Variants in TSGA13 observed in about 807,000 individuals in gnomAD.
TSGA13 encodes the protein testis-specific gene 13 protein.
Under a neutral mutation model 35.1 loss-of-function variants are expected in TSGA13, and 37 were observed. The observed-to-expected ratio is 1.05, with a 90% CI of 0.81 to 1.39. The LOEUF (loss-of-function observed/expected upper bound fraction) is 1.39. TSGA13 is among the 40% of genes most tolerant of loss of function. The pLI is 0.00. For synonymous variants in TSGA13, 124 were observed against 121.2 expected (o/e 1.02, Z -0.15); for missense variants, 338 against 328.5 (o/e 1.03, Z -0.22).
chr7:130,678,886 G>T (rs1204601137), intron 5 of TSGA13, among the ~76,000 whole-genome samples: 4 of 152,116 alleles, frequency 2.6e-5, no homozygotes, highest in Admixed American at 6.5e-5. Context: ...GTTTAGTCGG[G>T]CATGGTGATG....
chr7:130,679,507 G>T, intron 4 of TSGA13, 140 bp from the exon 5 acceptor site: 1 of 801,764 alleles, frequency 1.2e-6, no homozygotes, highest in South Asian at 2.0e-5. Flanking sequence ...AGGGTTTTTT[G>T]GTTTTGTTTT....
Position 130,680,908 on chromosome 7 carries a change from C to A in TSGA13, c.174+38G>T, listed in dbSNP as rs201675417. On this transcript the variant is annotated intron_variant, in intron 4 of 7. Transcript: ENST00000356588. ...GGCATCTGCACCACTGCTGAAACTT[C>A]CCCTTAGAGATCTTGGGGGAATGCT... 1.9e-6 allele frequency: 3 copies of A among 1,599,954 alleles called. No individual in the cohort carries two copies. The African/African-American group carries it at 4.0e-5, about 21-fold the overall frequency.
rs1796483493 is a variant in TSGA13, at chr7:130,679,266, C to T, written c.276G>A (p.Gln92=). Residue 92 remains glutamine (Q), a synonymous_variant, in exon 5 of 8, where the codon CAG becomes CAA. Transcript: ENST00000356588. ...SFMLKVTQYD[Q]DKTLLIMTNN... is the part of the protein sequence containing the mutation. ...TGGTCATAATCAGTAACGTCTTATC[C>T]TGGTCATACTGTGTTACTTTTAACA... The T allele has an allele frequency of 6.2e-7, 1 of 1,614,144 alleles. No individual in the cohort carries two copies. Among genetic ancestry groups the T allele is most frequent in the Non-Finnish European group, 8.5e-7 (1 of 1,180,026 alleles).
At chr7:130,670,815 C>A (rs1419201853) in intron 7 of TSGA13, among the ~76,000 whole-genome samples, 2 of 152,056 alleles carry the variant, frequency 1.3e-5, no homozygotes, top group African/African-American at 4.8e-5. Flanking sequence ...TTTGTAGAGA[C>A]AGGATCTCAC....
Position 130,668,763 on chromosome 7 carries a change from C to G in TSGA13, c.*251G>C. On this transcript the variant is annotated 3_prime_UTR_variant, in exon 8 of 8. Transcript: ENST00000356588. ...GCTGCAGGAAGGCCGGCCCCGCGCT[C>G]TCACGCCGGTTGGGCCGCCGCGCCT... 7.0e-7 allele frequency: 1 copy of G among 1,433,342 alleles called. No individual in the cohort carries two copies. Among genetic ancestry groups the G allele is most frequent in the Non-Finnish European group, 9.3e-7 (1 of 1,073,174 alleles). 88.8% of individuals were successfully genotyped at this position (1,433,342 alleles called of 1,614,324 possible).
intron 5 of TSGA13, among the ~76,000 whole-genome samples, chr7:130,676,060 G>C (rs1554464076): frequency 6.6e-6 from 1 of 152,190 alleles, no homozygotes; most frequent in African/African-American, 2.4e-5. Flanking sequence ...GACAATCACT[G>C]TAATAGATAT....
chr7:130,679,370 G>T lies in TSGA13; in HGVS notation c.175-3C>A, dbSNP rs781865016. 2 of 1,603,566 alleles carry T rather than the reference G, an allele frequency of 1.2e-6. No homozygotes were observed. Among genetic ancestry groups the T allele is most frequent in the South Asian group, 2.2e-5 (2 of 89,882 alleles). ...TTCAAAGGCTTATAGTACTGGGCCT[G>T]AACAGACAGAAAGGTTTCCAGAGAG... On this transcript the variant is annotated splice_region_variant and splice_polypyrimidine_tract_variant and intron_variant, in intron 4 of 7. Coordinates refer to ENST00000356588, the MANE Select transcript of TSGA13 (RefSeq NM_052933.4).
In TSGA13 at chr7:130,672,821, T is replaced by G; in HGVS notation, c.443A>C (p.Gln148Pro). Residue 148 changes from glutamine to proline, a missense_variant, in exon 6 of 8, where the codon CAG (glutamine) becomes CCG (proline). By Grantham distance (76) the Gln-to-Pro change is moderately conservative. Transcript: ENST00000356588. ...CAGCTTAGATCTTAACTTTTTTTTC[T>G]GAGGCATGCGGGGCAGCCAGAGGTT... ...TENLWLPRMP[Q>P]KKKLRSKLKP... The G allele has an allele frequency of 6.2e-7, 1 of 1,614,172 alleles. No individual in the cohort carries two copies. The highest frequency in any genetic ancestry group is 2.2e-5 in the East Asian group (1 of 44,878).
rs782695795 is a variant in TSGA13 at position 130,681,034 on chromosome 7, A to G, written c.103-17T>C. The G allele has an allele frequency of 6.2e-7, 1 of 1,613,454 alleles. No individual in the cohort carries two copies. The highest frequency in any genetic ancestry group is 8.5e-7 in the Non-Finnish European group (1 of 1,179,364). ...ATCAGAAATCTAAAGAGGATAATCAAAGTTAGTGGTTTGAAGTTGCACCTA... is the reference window on the plus strand; with the variant it reads ...ATCAGAAATCTAAAGAGGATAATCAGAGTTAGTGGTTTGAAGTTGCACCTA... On this transcript the variant is annotated splice_polypyrimidine_tract_variant and intron_variant, in intron 3 of 7. Transcript: ENST00000356588.
chr7:130,672,190 C>G (rs782620234), intron 6 of TSGA13, among the ~76,000 whole-genome samples: 1 of 152,050 alleles, frequency 6.6e-6, no homozygotes, highest in Non-Finnish European at 1.5e-5. Flanking sequence ...GCGCCCAGCC[C>G]CACCATTCAC....
Position 130,681,003 on chromosome 7 carries a change from G to A in TSGA13, c.117C>T (p.Val39=), listed in dbSNP as rs554104307. The A allele has an allele frequency of 1.2e-4, 190 of 1,614,138 alleles. No homozygotes were observed. In the South Asian group the frequency reaches 1.4e-3, roughly 12 times the overall value. Residue 39 remains valine (V), a synonymous_variant, in exon 4 of 8, where the codon GTC becomes GTT. Transcript: ENST00000356588. The stretch of plus-strand genomic sequence containing the variant: ...TCTCTAGAACAAATTTTGATTGCCC[G>A]ACTGCATCAGAAATCTAAAGAGGAT... The part of the protein sequence containing the change: ...VVNSKEISDA[V]GQSKFVLENL...
intron 5 of TSGA13, among the ~76,000 whole-genome samples, chr7:130,673,450 T>C (rs76668322): frequency 0.022 from 3,333 of 152,258 alleles, 95 homozygotes; most frequent in African/African-American, 0.068. Flanking sequence ...GTGCTCAATC[T>C]TTCTTTACCT....
upstream of TSGA13, chr7:130,687,392 T>A (rs1796679581): frequency 6.6e-6 from 1 of 152,224 alleles, no homozygotes; most frequent in African/African-American, 2.4e-5. Flanking sequence ...ATTTTAAACA[T>A]ATTTGTGCCC....
At chr7:130,675,454 A>G (rs1796390841) in intron 5 of TSGA13, among the ~76,000 whole-genome samples, 1 of 151,508 alleles carries the variant, frequency 6.6e-6, no homozygotes, top group Non-Finnish European at 1.5e-5. Context: ...CACAGTCTCC[A>G]CTCACTGCAA....
chr7:130,681,604 A>G (rs1012215495), intron 3 of TSGA13, among the ~76,000 whole-genome samples: 1 of 152,190 alleles, frequency 6.6e-6, no homozygotes, highest in African/African-American at 2.4e-5. Context: ...GTTGCAAAAA[A>G]TAATTGAATT....
In TSGA13 at chr7:130,668,695, CCACCGCAACCGTCCCAGG is replaced by C. The variant is rs1563076563; in HGVS notation, c.*301_*318del. On this transcript the variant is annotated 3_prime_UTR_variant, in exon 8 of 8. Coordinates refer to ENST00000356588, the MANE Select transcript of TSGA13 (RefSeq NM_052933.4). ...TTGGACGACTTCCCAGCGCCCAGAC[CCACCGCAACCGTCCCAGG>C]CGCCGCAGCCGGCGAGCGGAAGAGG... 6 of 1,521,846 alleles carry C rather than the reference CCACCGCAACCGTCCCAGG, an allele frequency of 3.9e-6. No homozygotes were observed. The highest frequency in any genetic ancestry group is 5.3e-6 in the Non-Finnish European group (6 of 1,135,514). The allele number at this position is 1,521,846 out of a possible 1,614,324, so 94.3% of individuals were successfully genotyped here.
At chr7:130,679,508 G>T (rs562387978) in intron 4 of TSGA13, 141 bp from the exon 5 acceptor site, 20 of 796,524 alleles carry the variant, frequency 2.5e-5, no homozygotes, top group East Asian at 1.6e-4. Flanking sequence ...GGGTTTTTTG[G>T]TTTTGTTTTT....
Position 130,679,190 on chromosome 7 carries a change from T to C in TSGA13, c.352A>G (p.Lys118Glu), listed in dbSNP as rs1554464604. ...ITQQDKESAS[K>E]YFSKELLLKV... ...AGCAGTAACTCCTTGGAAAAATATT[T>C]TGATGCACTCTCCTTGTCTTGCTGG... Residue 118 changes from lysine (K) to glutamate (E), a missense_variant, in exon 5 of 8, where the codon AAA (lysine) becomes GAA (glutamate). Physicochemically the swap from Lys to Glu is moderately conservative, Grantham distance 56 (BLOSUM62 1). Coordinates refer to ENST00000356588, the MANE Select transcript of TSGA13 (RefSeq NM_052933.4). 1 of 1,614,152 alleles carries C rather than the reference T, an allele frequency of 6.2e-7. No homozygotes were observed.
intron 7 of TSGA13, among the ~76,000 whole-genome samples, chr7:130,670,863 G>A (rs904148041): frequency 1.3e-5 from 2 of 152,124 alleles, no homozygotes; most frequent in African/African-American, 4.8e-5. Flanking sequence ...CTGGCCTCCA[G>A]CAATCCTCCT....
Sources: allele counts gnomAD v4.1 joint callset (sites outside exome capture counted in the v4.1 genomes callset), GRCh38; gene constraint gnomAD v4.1.1; transcripts MANE v1.5; gene names NCBI Gene and HGNC (gene_info 2026-07-23, HGNC 2026-07-21).